TNIK: variants seen among roughly 807,000 people sequenced by gnomAD.
The protein encoded by TNIK is TRAF2 and NCK interacting kinase, also known as TRAF2 and NCK-interacting protein kinase.
A neutral mutation model predicts 191.3 loss-of-function variants in TNIK; 49 were observed. The ratio of observed to expected loss-of-function variants is 0.26; its 90% CI spans 0.20 to 0.32. The LOEUF is 0.32. TNIK is among the 10% of genes least tolerant of loss of function. The probability of loss-of-function intolerance (pLI) is 1.00; values close to 1 mark genes in which losing one functional copy is unlikely to be tolerated. For missense variants in TNIK, 1,155 were observed against 1,702.3 expected (o/e 0.68, Z 5.66); for synonymous variants, 594 against 600.9 (o/e 0.99, Z 0.17).
At chr3:171,113,537 C>T (rs190867238) in intron 18 of TNIK, among the ~76,000 whole-genome samples, 1 of 151,186 alleles carries the variant, frequency 6.6e-6, no homozygotes, top group East Asian at 2.0e-4. Flanking sequence ...ATCCAGGAGG[C>T]AGAGCTTGCA....
intron 1 of TNIK, among the ~76,000 whole-genome samples, chr3:171,442,019 C>A (rs1188805635): frequency 6.6e-6 from 1 of 152,074 alleles, no homozygotes; most frequent in Non-Finnish European, 1.5e-5. Context: ...ACTAAACAAC[C>A]AAGTAAATAT....
Position 171,062,125 on chromosome 3 carries a change from T to C in TNIK, c.*1756A>G, listed in dbSNP as rs1474046125. On this transcript the variant is annotated 3_prime_UTR_variant, in exon 33 of 33. Coordinates refer to ENST00000436636, the MANE Select transcript of TNIK (RefSeq NM_015028.4). ...GTATTTCGTTCTCATTAATAGTACA[T>C]CAGCTGCTTGTGTATTTAGGCAAAG... is the stretch of plus-strand genomic sequence containing the variant. 2.0e-5 allele frequency: 3 copies of C among 152,174 alleles called. No homozygotes were observed. The highest frequency in any genetic ancestry group is 7.2e-5 in the African/African-American group (3 of 41,446). The allele number at this position is 152,174 out of a possible 1,614,324, so 9.4% of individuals were successfully genotyped here. A position where few individuals can be genotyped will look rare whatever the true frequency, so the allele number is the denominator to read the frequency against.
intron 2 of TNIK, among the ~76,000 whole-genome samples, chr3:171,358,070 A>G (rs1714409542): frequency 6.6e-6 from 1 of 152,192 alleles, no homozygotes; most frequent in Non-Finnish European, 1.5e-5. Context: ...TCCTCCCAGA[A>G]CATCCTGCTA....
At chr3:171,135,939 G>C (rs1729927798) in intron 15 of TNIK, among the ~76,000 whole-genome samples, 3 of 152,212 alleles carry the variant, frequency 2.0e-5, no homozygotes, top group Admixed American at 6.5e-5. Flanking sequence ...GTTCTGAATA[G>C]AGAGGACAGA....
At chr3:171,336,689 C>T (rs550836107) in intron 2 of TNIK, among the ~76,000 whole-genome samples, 4 of 152,276 alleles carry the variant, frequency 2.6e-5, no homozygotes, top group African/African-American at 9.6e-5. Context: ...AAATCTCCAT[C>T]AGCATTTCCA....
At chr3:171,256,003 T>C (rs997494522) in intron 2 of TNIK, among the ~76,000 whole-genome samples, 1 of 151,966 alleles carries the variant, frequency 6.6e-6, no homozygotes, top group Non-Finnish European at 1.5e-5. Flanking sequence ...CAGAAACATA[T>C]AGAATTATAG....
chr3:171,187,381 T>A (rs1737491840), intron 7 of TNIK, among the ~76,000 whole-genome samples: 1 of 152,160 alleles, frequency 6.6e-6, no homozygotes, highest in African/African-American at 2.4e-5. Context: ...GTGACTAACT[T>A]TGAAGGAAGG....
chr3:171,095,526 A>T (rs1722593595), intron 22 of TNIK, among the ~76,000 whole-genome samples: 1 of 152,156 alleles, frequency 6.6e-6, no homozygotes. Context: ...AACTTTAATC[A>T]TTTTTTTCTT....
At chr3:171,452,439 A>G (rs1728277056) in intron 1 of TNIK, among the ~76,000 whole-genome samples, 5 of 152,080 alleles carry the variant, frequency 3.3e-5, no homozygotes, top group Admixed American at 3.3e-4. Flanking sequence ...AGCAATTTCT[A>G]GTCCAAACCA....
At chr3:171,079,890 G>A (rs951742603) in intron 27 of TNIK, among the ~76,000 whole-genome samples, 24 of 152,242 alleles carry the variant, frequency 1.6e-4, no homozygotes, top group African/African-American at 5.8e-4. Flanking sequence ...TTATCTTCAG[G>A]TGGTTTCTTA....
At chr3:171,078,352 T>C (rs1720251300) in intron 28 of TNIK, among the ~76,000 whole-genome samples, 1 of 152,166 alleles carries the variant, frequency 6.6e-6, no homozygotes, top group South Asian at 2.1e-4. Context: ...TCTGCTTTGC[T>C]TTTTGTTCTA....
chr3:171,378,597 G>C (rs984629746), intron 1 of TNIK, among the ~76,000 whole-genome samples: 4 of 151,908 alleles, frequency 2.6e-5, no homozygotes, highest in Non-Finnish European at 4.4e-5. Flanking sequence ...CCAATACCTC[G>C]ATCATGACTG....
intron 1 of TNIK, among the ~76,000 whole-genome samples, chr3:171,382,786 G>A (rs920689717): frequency 1.3e-5 from 2 of 152,124 alleles, no homozygotes; most frequent in African/African-American, 4.8e-5. Flanking sequence ...TAGGCATGTG[G>A]CATGGTCGAG....
At position 171,395,039 on chromosome 3, in the gene TNIK, G is replaced by A. The variant is rs554871528; in HGVS notation, c.58-25354C>T. Among the ~76,000 whole-genome samples, 18 of 152,134 alleles carry A rather than the reference G, an allele frequency of 1.2e-4. No homozygotes were observed. The East Asian group carries it at 2.5e-3, about 21-fold the overall frequency. On this transcript the variant is annotated intron_variant, in intron 1 of 32. Coordinates refer to ENST00000436636, the MANE Select transcript of TNIK (RefSeq NM_015028.4). ...CTGCATTATAAACTAAACAATATAC[G>A]GCTTGATAAGGTGATCTTGGCTGAT...
At chr3:171,066,090 T>A in intron 32 of TNIK, 97 bp downstream of exon 32, 1 of 1,464,868 alleles carries the variant, frequency 6.8e-7, no homozygotes, top group African/African-American at 1.4e-5. Context: ...TTAACACAGA[T>A]GTGATTCAAA....
chr3:171,442,179 A>G (rs1483946638), intron 1 of TNIK, among the ~76,000 whole-genome samples: 1 of 152,244 alleles, frequency 6.6e-6, no homozygotes, highest in East Asian at 1.9e-4. Flanking sequence ...GCAGCAACTT[A>G]TAGAAGGCAG....
At chr3:171,128,595 T>TA in intron 16 of TNIK, 119 bp downstream of exon 16, 1 of 1,276,258 alleles carries the variant, frequency 7.8e-7, no homozygotes, top group Non-Finnish European at 1.0e-6. Flanking sequence ...ATAAATTCTA[T>TA]ATTAAGGGTC....
At chr3:171,211,602 G>A (rs531546934) in intron 3 of TNIK, among the ~76,000 whole-genome samples, 53 of 152,246 alleles carry the variant, frequency 3.5e-4, no homozygotes, top group Non-Finnish European at 6.2e-4. Context: ...ATTCTATCTG[G>A]TATAAGAAAG....
At chr3:171,193,003 T>C (rs942654846) in intron 5 of TNIK, among the ~76,000 whole-genome samples, 2 of 152,250 alleles carry the variant, frequency 1.3e-5, no homozygotes, top group African/African-American at 4.8e-5. Flanking sequence ...GAATAAATTT[T>C]TGAATATGGT....
Sources: gnomAD v4.1 joint callset for allele counts (sites outside exome capture counted in the v4.1 genomes callset) on GRCh38, gnomAD v4.1.1 for gene constraint, MANE v1.5 for transcripts, NCBI Gene and HGNC (gene_info 2026-07-23, HGNC 2026-07-21) for gene names.